CD109: variants seen among roughly 807,000 people sequenced by gnomAD.
CD109 encodes the protein CD109 molecule.
Under a neutral mutation model 165.8 loss-of-function variants are expected in CD109, and 149 were observed. That is an observed-to-expected ratio of 0.90 (90% CI 0.79 to 1.03). The LOEUF (loss-of-function observed/expected upper bound fraction) is 1.03, where lower values mean the gene tolerates loss of function less well. CD109 is among the 50% of genes least tolerant of loss of function. The pLI is 0.00. For synonymous variants in CD109, 585 were observed against 592.1 expected (o/e 0.99, Z 0.18); for missense variants, 1,712 against 1,677.8 (o/e 1.02, Z -0.36).
intron 14 of CD109, 144 bp from the exon 15 acceptor site, chr6:73,771,284 AG>A (rs1226363483): frequency 1.8e-6 from 1 of 570,994 alleles, no homozygotes. Context: ...CTTTCCCTAG[AG>A]AAGGGTTATG....
At chr6:73,767,671 C>A (rs914845860) in intron 13 of CD109, among the ~76,000 whole-genome samples, 2 of 151,850 alleles carry the variant, frequency 1.3e-5, no homozygotes, top group East Asian at 1.9e-4. Flanking sequence ...ATTTAAATTT[C>A]TATTTGATAA....
At chr6:73,816,539 T>C (rs1476292343) in intron 30 of CD109, among the ~76,000 whole-genome samples, 1 of 152,214 alleles carries the variant, frequency 6.6e-6, no homozygotes, top group Non-Finnish European at 1.5e-5. Flanking sequence ...CATGAGCCAC[T>C]GTGCCCCACC....
intron 2 of CD109, among the ~76,000 whole-genome samples, chr6:73,713,720 AC>A (rs1277703459): frequency 4.6e-5 from 7 of 152,178 alleles, no homozygotes; most frequent in Non-Finnish European, 1.0e-4. Context: ...TGCATTAAAA[AC>A]AAAAGACAAA....
At chr6:73,714,527 G>C (rs1158387983) in intron 2 of CD109, among the ~76,000 whole-genome samples, 1 of 152,146 alleles carries the variant, frequency 6.6e-6, no homozygotes, top group Non-Finnish European at 1.5e-5. Flanking sequence ...ATACTCCTTA[G>C]TAAACCTCCT....
intron 23 of CD109, among the ~76,000 whole-genome samples, chr6:73,797,851 G>A (rs917273218): frequency 6.6e-6 from 1 of 152,200 alleles, no homozygotes; most frequent in African/African-American, 2.4e-5. Context: ...TATCTTAAGA[G>A]CCTCTGGACT....
Position 73,826,648 on chromosome 6 carries a change from C to T in CD109, c.*3015C>T, listed in dbSNP as rs1776285971. On this transcript the variant is annotated 3_prime_UTR_variant, in exon 33 of 33. Transcript: ENST00000287097. The stretch of plus-strand genomic sequence containing the variant: ...TGCTATTGTACTTTGTTTTTCAAAA[C>T]ATTGTAAAAATAGTATCTTTGGTTT... 1 of 152,086 alleles carries T rather than the reference C, an allele frequency of 6.6e-6. No individual in the cohort carries two copies. The highest frequency in any genetic ancestry group is 6.5e-5 in the Admixed American group (1 of 15,270). 9.4% of individuals were successfully genotyped at this position (152,086 alleles called of 1,614,324 possible). A position where few individuals can be genotyped will look rare whatever the true frequency, so the allele number is the denominator to read the frequency against.
chr6:73,747,064 CT>C (rs1773009126), intron 5 of CD109, among the ~76,000 whole-genome samples: 2 of 152,252 alleles, frequency 1.3e-5, no homozygotes, highest in South Asian at 4.1e-4. Context: ...TTATTCTCTT[CT>C]TTTTAGAGGA....
chr6:73,747,451 C>T (rs763992541), intron 5 of CD109, among the ~76,000 whole-genome samples: 1 of 152,122 alleles, frequency 6.6e-6, no homozygotes, highest in East Asian at 1.9e-4. Context: ...GTCATTTACT[C>T]TCTATTACAT....
rs771162654 is a variant in CD109 at position 73,787,411 on chromosome 6, C to T, written c.2515C>T (p.Pro839Ser). The stretch of plus-strand genomic sequence containing the variant: ...TCCTATCACAGTCACAGCTCTTTCA[C>T]CCACTGCTTCTGATGCTGTCACCCA... ...EIPITVTALS[P>S]TASDAVTQMI... Residue 839 changes from proline (P) to serine (S), a missense_variant, in exon 21 of 33, where the codon CCC (proline) becomes TCC (serine). Pro to Ser is a moderately conservative substitution (Grantham distance 74). Transcript: ENST00000287097. 70 of 1,613,814 alleles carry T rather than the reference C, an allele frequency of 4.3e-5. No individual in the cohort carries two copies. In the Admixed American group the frequency reaches 9.0e-4, roughly 21 times the overall value.
intron 22 of CD109, among the ~76,000 whole-genome samples, chr6:73,791,945 A>G (rs1774987608): frequency 6.6e-6 from 1 of 152,182 alleles, no homozygotes; most frequent in Non-Finnish European, 1.5e-5. Flanking sequence ...ACTCTTATCT[A>G]TACAGCTTAA....
intron 32 of CD109, among the ~76,000 whole-genome samples, chr6:73,822,904 T>C (rs1353752446): frequency 6.6e-6 from 1 of 151,360 alleles, no homozygotes; most frequent in East Asian, 1.9e-4. Flanking sequence ...GTGAGTTCAC[T>C]GTGGTGTTAT....
chr6:73,803,671 G>A (rs983327084), intron 24 of CD109, among the ~76,000 whole-genome samples: 1 of 136,658 alleles, frequency 7.3e-6, no homozygotes, highest in Admixed American at 7.8e-5. Context: ...GTGTTACTGC[G>A]GTCAATGTAG....
intron 10 of CD109, 81 bp from the exon 11 acceptor site, chr6:73,765,849 A>G: frequency 9.7e-7 from 1 of 1,026,788 alleles, no homozygotes; most frequent in African/African-American, 1.6e-5. Flanking sequence ...GTTCAATTTC[A>G]TGAGAATACT....
Position 73,810,110 on chromosome 6 carries a change from G to A in CD109, c.3482G>A (p.Gly1161Glu), listed in dbSNP as rs1775701382. The change falls in exon 27 of 33, where the codon GGA (glycine) becomes GAA (glutamate). Residue 1161 changes from glycine to glutamate, a missense_variant. Transcript: ENST00000287097. Reference protein sequence around the residue: ...SHFLQFQTSEGIPIMRWLSRQ... With the variant: ...SHFLQFQTSEEIPIMRWLSRQ... ...TTCTTACAATTTCAGACTTCTGAGG[G>A]AATCCCAATTATGAGGTGGCTAAGC... 1 of 1,608,564 alleles carries A rather than the reference G, an allele frequency of 6.2e-7. No individual in the cohort carries two copies. Among genetic ancestry groups the A allele is most frequent in the South Asian group, 1.1e-5 (1 of 90,290 alleles).
chr6:73,791,991 A>G (rs1774988754), intron 22 of CD109, among the ~76,000 whole-genome samples: 1 of 152,184 alleles, frequency 6.6e-6, no homozygotes, highest in Non-Finnish European at 1.5e-5. Context: ...CAGCCTTCAT[A>G]TTTCTGAATT....
intron 25 of CD109, 26 bp from the exon 26 acceptor site, chr6:73,808,057 A>G (rs1775631499): frequency 6.2e-7 from 1 of 1,606,816 alleles, no homozygotes; most frequent in Non-Finnish European, 8.5e-7. Flanking sequence ...TCTGAATAGT[A>G]AAAAACATAC....
rs150026354 is a variant in CD109, at chr6:73,763,648, C to G, written c.1070C>G (p.Thr357Ser). Residue 357 changes from threonine to serine, a missense_variant, in exon 10 of 33, where the codon ACT becomes AGT. By Grantham distance (58) the Thr-to-Ser change is moderately conservative. Coordinates refer to ENST00000287097, the MANE Select transcript of CD109 (RefSeq NM_133493.5). Reference sequence around the variant, plus strand: ...TACATCATTGAGTTTTTTGATTATACTACTGTCTTGAAGCCATCTCTCAAC... The same window carrying G: ...TACATCATTGAGTTTTTTGATTATAGTACTGTCTTGAAGCCATCTCTCAAC... ...HDYIIEFFDY[T>S]TVLKPSLNFT... 5.6e-6 allele frequency: 9 copies of G among 1,592,922 alleles called. No homozygotes were observed. The highest frequency in any genetic ancestry group is 7.7e-6 in the Non-Finnish European group (9 of 1,167,606).
intron 15 of CD109, among the ~76,000 whole-genome samples, chr6:73,772,580 A>T (rs1048478564): frequency 7.2e-5 from 11 of 151,842 alleles, no homozygotes; most frequent in Non-Finnish European, 1.3e-4. Flanking sequence ...AGGGGGTGAA[A>T]TCATGTTACT....
At chr6:73,813,090 C>T (rs1775808856) in intron 29 of CD109, among the ~76,000 whole-genome samples, 1 of 151,990 alleles carries the variant, frequency 6.6e-6, no homozygotes, top group African/African-American at 2.4e-5. Context: ...TTAGAAACTT[C>T]CAAATAATTC....
Sources: gnomAD v4.1 joint callset for allele counts (sites outside exome capture counted in the v4.1 genomes callset) on GRCh38, gnomAD v4.1.1 for gene constraint, MANE v1.5 for transcripts, NCBI Gene and HGNC (gene_info 2026-07-23, HGNC 2026-07-21) for gene names.